Variants in ZNF536 observed in about 807,000 individuals in gnomAD.
The protein encoded by ZNF536 is zinc finger protein 536.
ZNF536 carries 13 observed loss-of-function variants against 84.5 expected under a neutral mutation model. The observed-to-expected ratio is 0.15, with a 90% CI of 0.10 to 0.24. ZNF536 has a LOEUF of 0.24. Ranked by LOEUF, ZNF536 falls within the 10% of genes least tolerant of loss-of-function variation. ZNF536 has a pLI of 1.00. For synonymous variants in ZNF536, 811 were observed against 742.5 expected, an observed-to-expected ratio of 1.09 and a Z score of -1.50; for missense variants, 1,536 against 1,747.5, an observed-to-expected ratio of 0.88 and a Z score of 2.16.
intron 1 of ZNF536, among the ~76,000 whole-genome samples, chr19:30,280,152 C>T (rs563479854): frequency 2.0e-5 from 3 of 152,170 alleles, no homozygotes; most frequent in Admixed American, 1.3e-4. Context: ...TCCTTCCATC[C>T]GCCTCACCTC....
intron 1 of ZNF536, among the ~76,000 whole-genome samples, chr19:30,702,580 C>A (rs925707418): frequency 6.6e-6 from 1 of 152,082 alleles, no homozygotes; most frequent in African/African-American, 2.4e-5. Flanking sequence ...CTTCCCAATT[C>A]TCTTCTCCCA....
intron 1 of ZNF536, among the ~76,000 whole-genome samples, chr19:30,387,219 G>A (rs1267769400): frequency 6.6e-6 from 1 of 152,216 alleles, no homozygotes; most frequent in Non-Finnish European, 1.5e-5. Context: ...AGGCCTGGAT[G>A]TGGGGAGAAA....
chr19:30,604,771 T>C (rs556399323), intron 1 of ZNF536, among the ~76,000 whole-genome samples: 6 of 152,326 alleles, frequency 3.9e-5, no homozygotes, highest in Admixed American at 3.3e-4. Flanking sequence ...ATTTTTCACA[T>C]GAAGAACGGA....
intron 1 of ZNF536, among the ~76,000 whole-genome samples, chr19:30,571,465 A>G (rs2046542735): frequency 6.6e-6 from 1 of 152,200 alleles, no homozygotes. Context: ...ATGAGCAATC[A>G]TGCCCCCTTC....
chr19:30,692,686 G>T, intron 1 of ZNF536, among the ~76,000 whole-genome samples: 1 of 152,136 alleles, frequency 6.6e-6, no homozygotes, highest in East Asian at 1.9e-4. Context: ...AACTGCTGGC[G>T]GTGACAGAGC....
At chr19:30,292,935 C>T (rs2045888396) in intron 2 of ZNF536, among the ~76,000 whole-genome samples, 1 of 152,210 alleles carries the variant, frequency 6.6e-6, no homozygotes, top group African/African-American at 2.4e-5. Context: ...CAATCAATAA[C>T]TTCTTCTTGC....
chr19:30,270,048 C>G (rs2025740492), intron 1 of ZNF536, among the ~76,000 whole-genome samples: 1 of 152,204 alleles, frequency 6.6e-6, no homozygotes, highest in Non-Finnish European at 1.5e-5. Flanking sequence ...ATACCTACTT[C>G]TAAGGCGAAT....
At chr19:30,258,477 T>C (rs1438227407) in intron 1 of ZNF536, among the ~76,000 whole-genome samples, 1 of 152,218 alleles carries the variant, frequency 6.6e-6, no homozygotes, top group East Asian at 1.9e-4. Flanking sequence ...TCCTGTTTCA[T>C]AGATAGTTGA....
Position 30,356,413 on chromosome 19 carries a change from A to T in ZNF536, c.-3+3929A>T, listed in dbSNP as rs570477920. Among the ~76,000 whole-genome samples the T allele has an allele frequency of 2.0e-5, 3 of 152,362 alleles. No individual in the cohort carries two copies. In the East Asian group the frequency reaches 5.8e-4, roughly 29 times the overall value. ...CCCGAGTCAGCCCCTCCGTCCTGGT[A>T]CAGATGAGTGAGTCAACATCCTTCC... On this transcript the variant is annotated intron_variant, in intron 3 of 5. Transcript: ENST00000585628.
At chr19:30,632,599 C>T (rs1302213717) in intron 1 of ZNF536, among the ~76,000 whole-genome samples, 1 of 152,034 alleles carries the variant, frequency 6.6e-6, no homozygotes, top group Non-Finnish European at 1.5e-5. Flanking sequence ...GAACGAGAAT[C>T]CATCTCAAAA....
chr19:30,696,504 C>T (rs1289181137), intron 1 of ZNF536, among the ~76,000 whole-genome samples: 1 of 152,184 alleles, frequency 6.6e-6, no homozygotes, highest in Non-Finnish European at 1.5e-5. Flanking sequence ...TCATAAAATC[C>T]GGGCAATGAT....
intron 2 of ZNF536, among the ~76,000 whole-genome samples, chr19:30,351,227 G>A (rs536946440): frequency 6.6e-6 from 1 of 152,322 alleles, no homozygotes; most frequent in East Asian, 1.9e-4. Context: ...ACGGCCACAT[G>A]ATGATGTCAT....
intron 1 of ZNF536, among the ~76,000 whole-genome samples, chr19:30,617,333 CTTTTTTTTTTTTTTT>C (rs556835599): frequency 0.37 from 13,928 of 38,014 alleles, 1,603 homozygotes; most frequent in East Asian, 0.47. Flanking sequence ...GAATAGCTTA[CTTTTTTTTTTTTTTT>C]TTTTTTTTTT....
chr19:30,597,998 GTGT>G (rs1470810229), intron 1 of ZNF536, among the ~76,000 whole-genome samples: 1 of 152,162 alleles, frequency 6.6e-6, no homozygotes, highest in Admixed American at 6.5e-5. Context: ...ATTGCTATGT[GTGT>G]TGTTGTTGTA....
intron 1 of ZNF536, among the ~76,000 whole-genome samples, chr19:30,383,878 CT>C (rs2049175552): frequency 8.6e-6 from 1 of 116,764 alleles, no homozygotes; most frequent in Non-Finnish European, 1.7e-5. Flanking sequence ...TTCCTCCCCC[CT>C]CCCTCCCTTC....
In ZNF536 at chr19:30,452,476, G is replaced by A. The variant is rs78219274; in HGVS notation, c.2170+6744G>A. 4.4e-3 allele frequency among the ~76,000 whole-genome samples: 675 copies of A among 152,344 alleles called. 6 individuals are homozygous for A. Among genetic ancestry groups the A allele is most frequent in the African/African-American group, 0.015 (640 of 41,580 alleles). On this transcript the variant is annotated intron_variant, in intron 2 of 4. Coordinates refer to ENST00000355537, the MANE Select transcript of ZNF536 (RefSeq NM_014717.3). ...CAGGTAGCCCTGATGTCTCAAAGGG[G>A]TGGGGACAGGGCTGGCTTCAACAAG...
chr19:30,384,164 C>CTTTT (rs1359387540), intron 1 of ZNF536, among the ~76,000 whole-genome samples: 1 of 80,826 alleles, frequency 1.2e-5, no homozygotes, highest in African/African-American at 5.4e-5. Flanking sequence ...TTCTTTCTTT[C>CTTTT]GTTTCCTTCT....
intron 1 of ZNF536, among the ~76,000 whole-genome samples, chr19:30,691,952 G>A (rs1835234622): frequency 6.6e-6 from 1 of 152,188 alleles, no homozygotes; most frequent in Non-Finnish European, 1.5e-5. Context: ...TGCAGCCTCT[G>A]CCCGGGCCTC....
chr19:30,349,988 C>T (rs2047880671), intron 2 of ZNF536, among the ~76,000 whole-genome samples: 1 of 151,840 alleles, frequency 6.6e-6, no homozygotes, highest in Non-Finnish European at 1.5e-5. Flanking sequence ...GTGTGAGATG[C>T]TCCGAAAGTT....
Sources: allele counts gnomAD v4.1 joint callset (sites outside exome capture counted in the v4.1 genomes callset), GRCh38; gene constraint gnomAD v4.1.1; transcripts MANE v1.5; gene names NCBI Gene and HGNC (gene_info 2026-07-23, HGNC 2026-07-21).